GMCL1: variants seen among roughly 807,000 people sequenced by gnomAD.
GMCL1 encodes the protein germ cell-less 1, spermatogenesis associated.
Under a neutral mutation model 75.5 loss-of-function variants are expected in GMCL1, and 54 were observed. The observed-to-expected ratio is 0.71, with a 90% confidence interval of 0.57 to 0.90. GMCL1 has a LOEUF of 0.90. GMCL1 is among the 40% of genes least tolerant of loss of function. The pLI is 0.00. For missense variants in GMCL1, 537 were observed against 622.7 expected (o/e 0.86, Z 1.47); for synonymous variants, 210 against 209.6 (o/e 1.00, Z -0.02).
chr2:69,875,738 A>C (rs909311815), intron 13 of GMCL1, among the ~76,000 whole-genome samples: 5 of 150,158 alleles, frequency 3.3e-5, no homozygotes, highest in Non-Finnish European at 7.4e-5. Flanking sequence ...TTCTGTCGCC[A>C]GGCTGGAATG....
In GMCL1 at chr2:69,869,796, A is replaced by G. The variant is rs115029178; in HGVS notation, c.1296A>G (p.Lys432=). The G allele has an allele frequency of 5.8e-5, 93 of 1,614,050 alleles. No homozygotes were observed. In the East Asian group the frequency reaches 2.0e-3, roughly 34 times the overall value. Reference sequence around the variant, plus strand: ...ACACCAATCGATACATCATTTTCAAACGCAATACACTGAATCAGCCATGTA... The same window carrying G: ...ACACCAATCGATACATCATTTTCAAGCGCAATACACTGAATCAGCCATGTA... ...VTYTNRYIIF[K]RNTLNQPCSG... The change falls in exon 12 of 14, where the codon AAA becomes AAG. Residue 432 remains lysine, a synonymous_variant. Transcript: ENST00000282570.
rs1348583575 is a variant in GMCL1, at chr2:69,869,960, G to T, written c.1364+96G>T. ...TTACACCAACATTAGTAGAACTTTG[G>T]TAAGCTACAGTATATGTGGAAGTGG... On this transcript the variant is annotated intron_variant, in intron 12 of 13. Coordinates refer to ENST00000282570, the MANE Select transcript of GMCL1 (RefSeq NM_178439.5). The T allele has an allele frequency of 6.5e-6, 8 of 1,230,870 alleles. No homozygotes were observed. The East Asian group carries it at 1.9e-4, about 30-fold the overall frequency. The allele number at this position is 1,230,870 out of a possible 1,614,324, so 76.2% of individuals were successfully genotyped here.
In GMCL1 at chr2:69,875,331, C is replaced by CTTTG. The variant is rs1319798220; in HGVS notation, c.1452+3502_1452+3505dup. Among the ~76,000 whole-genome samples the CTTTG allele has an allele frequency of 7.2e-5, 11 of 152,190 alleles. No homozygotes were observed. In the East Asian group the frequency reaches 2.1e-3, roughly 29 times the overall value. The stretch of plus-strand genomic sequence containing the variant: ...TCTGGACTTTTTGTTTTATTGATTT[C>CTTTG]TTTGTTATGAAGACAAGGCATTGTT... On this transcript the variant is annotated intron_variant, in intron 13 of 13. Coordinates refer to ENST00000282570, the MANE Select transcript of GMCL1 (RefSeq NM_178439.5).
intron 10 of GMCL1, among the ~76,000 whole-genome samples, chr2:69,862,358 A>G (rs1558547990): frequency 6.6e-6 from 1 of 152,184 alleles, no homozygotes; most frequent in African/African-American, 2.4e-5. Context: ...ACATAAATTC[A>G]TGATGATTAT....
chr2:69,864,587 T>C (rs1489365389), intron 10 of GMCL1, among the ~76,000 whole-genome samples: 1 of 133,946 alleles, frequency 7.5e-6, no homozygotes, highest in Non-Finnish European at 1.6e-5. Flanking sequence ...AGTTAGACTT[T>C]TACTTTTTTT....
intron 7 of GMCL1, among the ~76,000 whole-genome samples, chr2:69,848,657 G>A (rs1675222628): frequency 1.3e-5 from 2 of 152,200 alleles, no homozygotes; most frequent in African/African-American, 2.4e-5. Context: ...GCAGTGAGTT[G>A]TCACAGTGGC....
chr2:69,848,919 TATCTC>T (rs1207710601), intron 7 of GMCL1, among the ~76,000 whole-genome samples: 1 of 152,234 alleles, frequency 6.6e-6, no homozygotes, highest in African/African-American at 2.4e-5. Context: ...CTCTGCGTAT[TATCTC>T]AGCAGCAGTA....
chr2:69,843,569 A>G (rs1675046472), intron 5 of GMCL1, among the ~76,000 whole-genome samples: 2 of 152,142 alleles, frequency 1.3e-5, no homozygotes, highest in Admixed American at 6.5e-5. Flanking sequence ...CAGAAAGATC[A>G]CTTGGGCCCA....
At chr2:69,877,997 A>G (rs1463395451) in intron 13 of GMCL1, among the ~76,000 whole-genome samples, 1 of 152,170 alleles carries the variant, frequency 6.6e-6, no homozygotes, top group East Asian at 1.9e-4. Flanking sequence ...AGGAATTCTC[A>G]TTTTAGTGTT....
At chr2:69,834,382 C>T (rs536443347) in intron 1 of GMCL1, among the ~76,000 whole-genome samples, 3 of 152,244 alleles carry the variant, frequency 2.0e-5, no homozygotes, top group South Asian at 4.1e-4. Flanking sequence ...ATTTCTTTCT[C>T]GCTTATTTTA....
intron 12 of GMCL1, among the ~76,000 whole-genome samples, chr2:69,871,243 A>C (rs528642780): frequency 6.6e-6 from 1 of 152,334 alleles, no homozygotes; most frequent in East Asian, 1.9e-4. Context: ...CCTGGAAGAC[A>C]TGCCAAGTGA....
intron 11 of GMCL1, among the ~76,000 whole-genome samples, chr2:69,867,572 T>A (rs1049149749): frequency 1.3e-5 from 2 of 152,182 alleles, no homozygotes; most frequent in African/African-American, 4.8e-5. Context: ...CATTTCTACT[T>A]CTTATTTTGC....
At chr2:69,864,814 A>G in intron 10 of GMCL1, 86 bp from the exon 11 acceptor site, 1 of 839,560 alleles carries the variant, frequency 1.2e-6, no homozygotes. Flanking sequence ...TCTGGTAGCA[A>G]GATTTTCTGT....
intron 10 of GMCL1, among the ~76,000 whole-genome samples, chr2:69,861,981 G>A (rs752994925): frequency 1.3e-5 from 2 of 151,770 alleles, no homozygotes; most frequent in Non-Finnish European, 2.9e-5. Flanking sequence ...CCAAGCCTGG[G>A]GGATAAAGTG....
In GMCL1 at chr2:69,840,884, A is replaced by G. The variant is rs1486036867; in HGVS notation, c.482-58A>G. On this transcript the variant is annotated intron_variant, in intron 3 of 13. Coordinates refer to ENST00000282570, the MANE Select transcript of GMCL1 (RefSeq NM_178439.5). Reference sequence around the variant, plus strand: ...GAAGACAGTCGTTGTTGTTATTTGTATAACACTTGTAATAGATATAAATAT... The same window carrying G: ...GAAGACAGTCGTTGTTGTTATTTGTGTAACACTTGTAATAGATATAAATAT... 5 of 1,184,924 alleles carry G rather than the reference A, an allele frequency of 4.2e-6. No homozygotes were observed. The African/African-American group carries it at 7.6e-5, about 18-fold the overall frequency. 73.4% of individuals were successfully genotyped at this position (1,184,924 alleles called of 1,614,324 possible).
At chr2:69,854,120 GTAT>G (rs70954364) in intron 8 of GMCL1, among the ~76,000 whole-genome samples, 31,139 of 143,868 alleles carry the variant, frequency 0.22, 3,521 homozygotes, top group African/African-American at 0.29. Context: ...TCTATTTTCA[GTAT>G]TATTATTATT....
intron 10 of GMCL1, among the ~76,000 whole-genome samples, chr2:69,862,012 AAAAC>A (rs144510881): frequency 0.042 from 6,322 of 152,202 alleles, 297 homozygotes; most frequent in African/African-American, 0.12. Context: ...TCAAAAAAAC[AAAAC>A]AAACAAACAA....
chr2:69,842,622 A>C (rs1338093899), intron 4 of GMCL1: 1 of 152,252 alleles, frequency 6.6e-6, no homozygotes, highest in Non-Finnish European at 1.5e-5. Context: ...CTTAAAACCT[A>C]TATAAACATT....
At position 69,840,967 on chromosome 2, in the gene GMCL1, G is replaced by A. The variant is rs150063489; in HGVS notation, c.507G>A (p.Leu169=). ...VEALQVAFGS[L]YRDDVLIKPS... is the part of the protein sequence containing the mutation. ...CACTGCAGGTTGCATTTGGTTCACT[G>A]TATCGAGATGATGTCTTGATAAAGC... The change falls in exon 4 of 14, where the codon CTG becomes CTA. Residue 169 remains leucine, a synonymous_variant. Transcript: ENST00000282570. The A allele has an allele frequency of 1.2e-6, 2 of 1,613,800 alleles. No individual in the cohort carries two copies. The highest frequency in any genetic ancestry group is 2.2e-5 in the South Asian group (2 of 91,060).
Sources: gnomAD v4.1 joint callset for allele counts (sites outside exome capture counted in the v4.1 genomes callset) on GRCh38, gnomAD v4.1.1 for gene constraint, MANE v1.5 for transcripts, NCBI Gene and HGNC (gene_info 2026-07-23, HGNC 2026-07-21) for gene names.